Variants in PHF14 observed in about 807,000 individuals in gnomAD.
PHF14 encodes the protein PHD finger protein 14.
Under a neutral mutation model 117.9 loss-of-function variants are expected in PHF14, and 55 were observed. The ratio of observed to expected loss-of-function variants is 0.47; its 90% CI spans 0.38 to 0.58. The LOEUF is 0.58. Ranked by LOEUF, PHF14 falls within the 20% of genes least tolerant of loss-of-function variation. The probability of loss-of-function intolerance (pLI) is 0.00; values close to 1 mark genes in which losing one functional copy is unlikely to be tolerated. For missense variants in PHF14, 978 were observed against 1,122.2 expected, an observed-to-expected ratio of 0.87 and a Z score of 1.84; for synonymous variants, 409 against 368.6, an observed-to-expected ratio of 1.11 and a Z score of -1.26.
At chr7:11,087,982 G>C (rs897245546) in intron 16 of PHF14, among the ~76,000 whole-genome samples, 1 of 152,122 alleles carries the variant, frequency 6.6e-6, no homozygotes. Flanking sequence ...CTAATTTATA[G>C]AATAGTCCAC....
At chr7:11,025,850 G>C (rs1156379251) in intron 6 of PHF14, among the ~76,000 whole-genome samples, 2 of 151,110 alleles carry the variant, frequency 1.3e-5, no homozygotes, top group Non-Finnish European at 3.0e-5. Context: ...GGTGGCTCAC[G>C]CCTGTAATCC....
chr7:11,035,901 C>G (rs1207196340), intron 8 of PHF14, 115 bp downstream of exon 8: 1 of 762,220 alleles, frequency 1.3e-6, no homozygotes. Flanking sequence ...GGTTAGTTAC[C>G]TAGGAAATGG....
rs1228832088 is a variant in PHF14, at chr7:11,013,741, T to G, written c.1046-6T>G. 1.3e-6 allele frequency: 2 copies of G among 1,503,990 alleles called. No individual in the cohort carries two copies. The highest frequency in any genetic ancestry group is 1.8e-6 in the Non-Finnish European group (2 of 1,107,692). 93.2% of individuals were successfully genotyped at this position (1,503,990 alleles called of 1,614,324 possible). A position where few individuals can be genotyped will look rare whatever the true frequency, so the allele number is the denominator to read the frequency against. ...TATTTAATCATAGTGTTTTTGTTTTTTTTAGGTTGTTATGGAGTTGATGGA... is the reference window on the plus strand; with the variant it reads ...TATTTAATCATAGTGTTTTTGTTTTGTTTAGGTTGTTATGGAGTTGATGGA... On this transcript the variant is annotated splice_polypyrimidine_tract_variant and splice_region_variant and intron_variant, in intron 4 of 17. Transcript: ENST00000634607.
chr7:10,975,093 C>A (rs1210993597), intron 2 of PHF14, 148 bp downstream of exon 2: 2 of 640,388 alleles, frequency 3.1e-6, no homozygotes, highest in African/African-American at 1.9e-5. Flanking sequence ...TCCCATTTTG[C>A]CTTTAGATCC....
intron 17 of PHF14, among the ~76,000 whole-genome samples, chr7:11,149,752 C>T (rs1788653780): frequency 6.6e-6 from 1 of 151,852 alleles, no homozygotes; most frequent in African/African-American, 2.4e-5. Context: ...GATGATTTTC[C>T]TCATGAATGA....
chr7:10,997,470 A>G (rs1233923368), intron 4 of PHF14, among the ~76,000 whole-genome samples: 3 of 152,204 alleles, frequency 2.0e-5, no homozygotes, highest in African/African-American at 4.8e-5. Context: ...CAGTGGAACA[A>G]ATTATCCCAA....
intron 13 of PHF14, among the ~76,000 whole-genome samples, chr7:11,048,619 A>G (rs1345133204): frequency 6.6e-6 from 1 of 152,180 alleles, no homozygotes; most frequent in Non-Finnish European, 1.5e-5. Flanking sequence ...TAGACAGGCC[A>G]TGGCTTTATT....
intron 16 of PHF14, among the ~76,000 whole-genome samples, chr7:11,098,158 A>G (rs1372707575): frequency 6.6e-6 from 1 of 152,146 alleles, no homozygotes; most frequent in Non-Finnish European, 1.5e-5. Flanking sequence ...ATCTCAATGT[A>G]TTTACTTCTA....
chr7:11,068,312 T>C lies in PHF14; in HGVS notation c.2654+6227T>C, dbSNP rs1785491972. Among the ~76,000 whole-genome samples, 4 of 126,510 alleles carry C rather than the reference T, an allele frequency of 3.2e-5. No homozygotes were observed. In the South Asian group the frequency reaches 1.0e-3, roughly 32 times the overall value. 83.0% of individuals were successfully genotyped at this position (126,510 alleles called of 152,430 possible). On this transcript the variant is annotated intron_variant, in intron 16 of 17. Coordinates refer to ENST00000634607, the MANE Select transcript of PHF14 (RefSeq NM_001007157.2). ...TTGCAGTGAGCCAAGATCGCACCACTGCACTCCAGCCTGGGTGACAGAGCG... is the reference window on the plus strand; with the variant it reads ...TTGCAGTGAGCCAAGATCGCACCACCGCACTCCAGCCTGGGTGACAGAGCG...
intron 8 of PHF14, 65 bp downstream of exon 8, chr7:11,035,851 G>A (rs755032968): frequency 7.7e-5 from 99 of 1,280,072 alleles, no homozygotes; most frequent in Middle Eastern, 1.9e-4. Context: ...TTTACGTCTC[G>A]TGTGGCTTCC....
rs148310110 is a variant in PHF14, at chr7:11,166,659, A to T, written c.2773-2757A>T. 8.1e-3 allele frequency among the ~76,000 whole-genome samples: 1,235 copies of T among 152,294 alleles called. 4 individuals are homozygous for T. The highest frequency in any genetic ancestry group is 0.013 in the Non-Finnish European group (893 of 68,000). On this transcript the variant is annotated intron_variant, in intron 17 of 17. Coordinates refer to ENST00000634607, the MANE Select transcript of PHF14 (RefSeq NM_001007157.2). ...TTTTGATAATGTTATAGCAATTTTA[A>T]TATTATACTCTAGCAATTAGAGTGG...
chr7:11,169,277 C>T (rs1375303047), intron 17 of PHF14, 139 bp from the exon 18 acceptor site: 18 of 464,160 alleles, frequency 3.9e-5, no homozygotes, highest in Non-Finnish European at 7.0e-5. Context: ...TTAAATGTTA[C>T]ATAATTTTAC....
chr7:11,146,945 C>T (rs1219032403), intron 17 of PHF14, among the ~76,000 whole-genome samples: 1 of 152,150 alleles, frequency 6.6e-6, no homozygotes, highest in Non-Finnish European at 1.5e-5. Flanking sequence ...TTCCTGGGCT[C>T]AAGCAACTCT....
At chr7:11,046,531 A>G (rs904241993) in intron 13 of PHF14, among the ~76,000 whole-genome samples, 3 of 152,036 alleles carry the variant, frequency 2.0e-5, no homozygotes, top group Admixed American at 6.6e-5. Context: ...TAATTTGTTC[A>G]TTTACATTTT....
Position 11,010,535 on chromosome 7 carries a change from GTTAA to G in PHF14, c.1046-3207_1046-3204del, listed in dbSNP as rs199667189. On this transcript the variant is annotated intron_variant, in intron 4 of 17. Coordinates refer to ENST00000634607, the MANE Select transcript of PHF14 (RefSeq NM_001007157.2). ...GTATTAAAGTATGTTAATTAAAAAT[GTTAA>G]TTAAATGAAATTAATTATATAGTTT... is the stretch of plus-strand genomic sequence containing the variant. Among the ~76,000 whole-genome samples the G allele has an allele frequency of 9.0e-3, 1,371 of 151,668 alleles. 19 individuals are homozygous for G. The highest frequency in any genetic ancestry group is 0.031 in the African/African-American group (1,286 of 41,372).
chr7:10,976,562 T>G (rs1189359601), intron 2 of PHF14, among the ~76,000 whole-genome samples: 2 of 152,150 alleles, frequency 1.3e-5, no homozygotes, highest in African/African-American at 2.4e-5. Flanking sequence ...ATGGACAATT[T>G]GTTTCCAAGG....
rs967529483 is a variant in PHF14 at position 11,011,185 on chromosome 7, TG to T, written c.1046-2560del. ...ATAATGACGTCTAGTTAATTAATGTTGGTAATTTAAAATTATTTACTAATTG... is the reference window on the plus strand; with the variant it reads ...ATAATGACGTCTAGTTAATTAATGTTGTAATTTAAAATTATTTACTAATTG... On this transcript the variant is annotated intron_variant, in intron 4 of 17. Coordinates refer to ENST00000634607, the MANE Select transcript of PHF14 (RefSeq NM_001007157.2). Among the ~76,000 whole-genome samples the T allele has an allele frequency of 3.4e-4, 52 of 152,346 alleles. 2 individuals carry two copies. Among genetic ancestry groups the T allele is most frequent in the African/African-American group, 1.2e-3 (51 of 41,584 alleles).
intron 14 of PHF14, among the ~76,000 whole-genome samples, chr7:11,058,230 C>T (rs1190648141): frequency 2.0e-5 from 3 of 152,148 alleles, no homozygotes; most frequent in African/African-American, 7.2e-5. Flanking sequence ...GTCAGATAGG[C>T]CCAACTTATT....
intron 4 of PHF14, among the ~76,000 whole-genome samples, chr7:11,010,076 A>G (rs1783289890): frequency 1.3e-5 from 2 of 152,098 alleles, no homozygotes; most frequent in African/African-American, 4.8e-5. Flanking sequence ...TCTCTTGGTA[A>G]TTGCCTACTT....
Sources: gnomAD v4.1 joint callset for allele counts (sites outside exome capture counted in the v4.1 genomes callset) on GRCh38, gnomAD v4.1.1 for gene constraint, MANE v1.5 for transcripts, NCBI Gene and HGNC (gene_info 2026-07-23, HGNC 2026-07-21) for gene names.